Variants in MAGI2 observed in about 807,000 individuals in gnomAD.
MAGI2 encodes membrane-associated guanylate kinase, WW and PDZ domain-containing protein 2.
In MAGI2, 35 loss-of-function variants were observed where a neutral mutation model predicts 133.3. The observed-to-expected ratio is 0.26, with a 90% CI of 0.20 to 0.35. MAGI2 has a LOEUF of 0.35. Ranked by LOEUF, MAGI2 falls within the 10% of genes least tolerant of loss-of-function variation. The pLI, the probability that MAGI2 is intolerant of heterozygous loss-of-function variation, is 1.00. For synonymous variants in MAGI2, 729 were observed against 710.6 expected (o/e 1.03, Z -0.41); for missense variants, 1,636 against 1,863.4 (o/e 0.88, Z 2.25).
chr7:78,553,443 T>C (rs937715207), intron 3 of MAGI2, among the ~76,000 whole-genome samples: 4 of 152,194 alleles, frequency 2.6e-5, no homozygotes, highest in African/African-American at 9.6e-5. Context: ...TAACTGTCCT[T>C]CAGATAAATA....
chr7:78,880,592 C>A (rs2151542686), intron 2 of MAGI2, among the ~76,000 whole-genome samples: 1 of 152,212 alleles, frequency 6.6e-6, no homozygotes, highest in African/African-American at 2.4e-5. Flanking sequence ...AACACGGAAA[C>A]AAAAGAACAA....
chr7:78,454,649 CA>C (rs1278699441), intron 6 of MAGI2, among the ~76,000 whole-genome samples: 2 of 152,180 alleles, frequency 1.3e-5, no homozygotes, highest in Non-Finnish European at 2.9e-5. Context: ...TCATATTTGC[CA>C]AAAACTGGAA....
At chr7:79,041,979 A>T (rs541329400) in intron 1 of MAGI2, among the ~76,000 whole-genome samples, 4 of 152,252 alleles carry the variant, frequency 2.6e-5, no homozygotes, top group East Asian at 1.9e-4. Flanking sequence ...ACTAAGAATT[A>T]AAAAAATTAT....
At chr7:78,515,663 G>T (rs1206543492) in intron 4 of MAGI2, among the ~76,000 whole-genome samples, 1 of 151,682 alleles carries the variant, frequency 6.6e-6, no homozygotes, top group East Asian at 1.9e-4. Flanking sequence ...CACTTTGGGA[G>T]GCCGAGGCGG....
intron 6 of MAGI2, among the ~76,000 whole-genome samples, chr7:78,444,544 T>C (rs2110868): frequency 0.76 from 116,243 of 151,974 alleles, 45,001 homozygotes; most frequent in East Asian, 0.89. Context: ...AAATACTTCA[T>C]TGGCCTAGGA....
At chr7:78,600,163 AATAC>A (rs1805042639) in intron 3 of MAGI2, among the ~76,000 whole-genome samples, 1 of 152,166 alleles carries the variant, frequency 6.6e-6, no homozygotes, top group Admixed American at 6.5e-5. Flanking sequence ...AATTTACCTA[AATAC>A]ATAAAGAATT....
chr7:78,201,172 GT>G lies in MAGI2; in HGVS notation c.2068del (p.Thr690LeufsTer5). ...ATAATTCCAACTTACAGGCTTTGGA[GT>G]TTTCCATGGAGAAAAGAAACCTGTA... ...HRGGFFSPWK[T>X]PKPIMDRWEN... On this transcript the variant is annotated frameshift_variant, in exon 11 of 22. Coordinates refer to ENST00000354212, the MANE Select transcript of MAGI2 (RefSeq NM_012301.4). LOFTEE classifies it high-confidence loss of function. 1 of 1,483,560 alleles carries G rather than the reference GT, an allele frequency of 6.7e-7. No homozygotes were observed. The highest frequency in any genetic ancestry group is 1.4e-5 in the South Asian group (1 of 73,536). The allele number at this position is 1,483,560 out of a possible 1,614,324, so 91.9% of individuals were successfully genotyped here.
chr7:78,928,211 T>C (rs185393360), intron 2 of MAGI2, among the ~76,000 whole-genome samples: 277 of 152,060 alleles, frequency 1.8e-3, no homozygotes, highest in Non-Finnish European at 2.7e-3. Context: ...TGAAATTGTA[T>C]CTGCTGTCTG....
rs150570172 is a variant in MAGI2 at position 78,806,867 on chromosome 7, CAAAATAAAATAAAATAAAATAAAAT to C, written c.419-179653_419-179629del. On this transcript the variant is annotated intron_variant, in intron 2 of 21. Coordinates refer to ENST00000354212, the MANE Select transcript of MAGI2 (RefSeq NM_012301.4). ...TGGGCCACGGAGCAACACCCTGTCT[CAAAATAAAATAAAATAAAATAAAAT>C]AAAATAAAATAAAATAAAATAAAAT... Among the ~76,000 whole-genome samples, 107 of 128,800 alleles carry C rather than the reference CAAAATAAAATAAAATAAAATAAAAT, an allele frequency of 8.3e-4. 1 individual carries two copies. Among genetic ancestry groups the C allele is most frequent in the African/African-American group, 2.7e-3 (92 of 34,046 alleles). 84.5% of individuals were successfully genotyped at this position (128,800 alleles called of 152,430 possible).
chr7:79,147,019 G>A (rs1442444598), intron 1 of MAGI2, among the ~76,000 whole-genome samples: 4 of 152,182 alleles, frequency 2.6e-5, no homozygotes, highest in Non-Finnish European at 5.9e-5. Flanking sequence ...CAGGATCTGC[G>A]ATTAGACCAC....
rs554530085 is a variant in MAGI2, at chr7:79,290,500, C to G, written c.301+162520G>C. Among the ~76,000 whole-genome samples, 97 of 152,130 alleles carry G rather than the reference C, an allele frequency of 6.4e-4. 1 individual carries two copies. The highest frequency in any genetic ancestry group is 2.2e-3 in the African/African-American group (93 of 41,548). On this transcript the variant is annotated intron_variant, in intron 1 of 21. Coordinates refer to ENST00000354212, the MANE Select transcript of MAGI2 (RefSeq NM_012301.4). ...TTCTCAATGCTTATGACAGACGCAT[C>G]CATCTATACGTCCATTGATGCCAAA...
intron 2 of MAGI2, among the ~76,000 whole-genome samples, chr7:78,706,149 C>CT (rs1818619094): frequency 7.9e-6 from 1 of 126,820 alleles, no homozygotes; most frequent in African/African-American, 2.8e-5. Flanking sequence ...TGGCTGTGTC[C>CT]CCCCCCAAAT....
At chr7:78,229,417 A>G (rs1157690457) in intron 10 of MAGI2, among the ~76,000 whole-genome samples, 2 of 152,182 alleles carry the variant, frequency 1.3e-5, no homozygotes, top group African/African-American at 2.4e-5. Flanking sequence ...CTGCCTCCCA[A>G]CACCTTCACT....
chr7:78,829,237 T>C (rs1001928960), intron 2 of MAGI2, among the ~76,000 whole-genome samples: 8 of 151,940 alleles, frequency 5.3e-5, no homozygotes, highest in Admixed American at 4.6e-4. Context: ...ACAAGATTTT[T>C]CTTTTCTGTG....
intron 1 of MAGI2, among the ~76,000 whole-genome samples, chr7:79,338,789 G>C (rs563786804): frequency 8.5e-5 from 13 of 152,228 alleles, no homozygotes; most frequent in Admixed American, 5.9e-4. Flanking sequence ...ACCAATGTCA[G>C]TGATGGGAGA....
chr7:79,285,776 C>T (rs557889218), intron 1 of MAGI2, among the ~76,000 whole-genome samples: 2 of 152,222 alleles, frequency 1.3e-5, no homozygotes, highest in African/African-American at 4.8e-5. Context: ...CTGAAAACTA[C>T]TCTCTCCCAA....
intron 10 of MAGI2, among the ~76,000 whole-genome samples, chr7:78,206,542 C>G (rs1050144603): frequency 6.6e-6 from 1 of 152,156 alleles, no homozygotes; most frequent in African/African-American, 2.4e-5. Flanking sequence ...CCACCCGACT[C>G]GGCCTCCCAA....
At chr7:79,349,016 T>G (rs1841511969) in intron 1 of MAGI2, among the ~76,000 whole-genome samples, 1 of 151,994 alleles carries the variant, frequency 6.6e-6, no homozygotes, top group African/African-American at 2.4e-5. Flanking sequence ...ACATCTCTGT[T>G]ATGTAAGTAA....
At chr7:78,435,527 C>A (rs6944478) in intron 6 of MAGI2, among the ~76,000 whole-genome samples, 3,821 of 152,192 alleles carry the variant, frequency 0.025, 61 homozygotes, top group South Asian at 0.074. Flanking sequence ...GCTACTTTTA[C>A]AACTCCATAA....
Sources: gnomAD v4.1 joint callset for allele counts (sites outside exome capture counted in the v4.1 genomes callset) on GRCh38, gnomAD v4.1.1 for gene constraint, MANE v1.5 for transcripts, NCBI Gene and HGNC (gene_info 2026-07-23, HGNC 2026-07-21) for gene names.